The following REC114 variants were observed in gnomAD, a reference collection of about 807,000 sequenced individuals.
REC114 encodes the protein REC114 meiotic recombination protein, also known as meiotic recombination protein REC114.
Under a neutral mutation model 31.3 loss-of-function variants are expected in REC114, and 27 were observed. That is an observed-to-expected ratio of 0.86 (90% CI 0.64 to 1.19). The LOEUF (loss-of-function observed/expected upper bound fraction) is 1.19, where lower values mean the gene tolerates loss of function less well. REC114 is among the 50% of genes most tolerant of loss of function. REC114 has a pLI of 0.00. For missense variants in REC114, 344 were observed against 326.9 expected (o/e 1.05, Z -0.40); for synonymous variants, 134 against 127.7 (o/e 1.05, Z -0.33).
intron 2 of REC114, among the ~76,000 whole-genome samples, chr15:73,485,316 T>TC: frequency 6.6e-6 from 1 of 152,208 alleles, no homozygotes; most frequent in Non-Finnish European, 1.5e-5. Flanking sequence ...TCTCTTGACC[T>TC]CGTGATCTGC....
intron 2 of REC114, among the ~76,000 whole-genome samples, chr15:73,538,658 G>A (rs1045873828): frequency 6.6e-6 from 1 of 151,628 alleles, no homozygotes; most frequent in Non-Finnish European, 1.5e-5. Flanking sequence ...GGGTTTCTCT[G>A]TGTTAGCCAA....
chr15:73,552,494 C>T (rs533995606), intron 4 of REC114, among the ~76,000 whole-genome samples: 4 of 152,074 alleles, frequency 2.6e-5, no homozygotes, highest in South Asian at 2.1e-4. Context: ...TTTTAAATTC[C>T]GTGTTAGTTT....
intron 2 of REC114, among the ~76,000 whole-genome samples, chr15:73,511,789 T>C (rs1189057735): frequency 6.8e-6 from 1 of 147,240 alleles, no homozygotes; most frequent in Non-Finnish European, 1.5e-5. Flanking sequence ...TCTAGTTTGA[T>C]TGCACTGTGG....
At position 73,474,049 on chromosome 15, in the gene REC114, A is replaced by T; in HGVS notation, c.249+128A>T. 8 of 681,716 alleles carry T rather than the reference A, an allele frequency of 1.2e-5. No individual in the cohort carries two copies. In the South Asian group the frequency reaches 1.4e-4, roughly 12 times the overall value. 42.2% of individuals were successfully genotyped at this position (681,716 alleles called of 1,614,324 possible). Reference sequence around the variant, plus strand: ...ATCAAGGTCAACACATTAAGCATTTATCGAATGTGCCATAATAGTGGGAAA... The same window carrying T: ...ATCAAGGTCAACACATTAAGCATTTTTCGAATGTGCCATAATAGTGGGAAA... On this transcript the variant is annotated intron_variant, in intron 2 of 5. Transcript: ENST00000331090.
At position 73,559,805 on chromosome 15, in the gene REC114, T is replaced by G. The variant is rs748154706; in HGVS notation, c.690T>G (p.Gly230=). 6 of 1,612,444 alleles carry G rather than the reference T, an allele frequency of 3.7e-6. No individual in the cohort carries two copies. The highest frequency in any genetic ancestry group is 5.1e-6 in the Non-Finnish European group (6 of 1,179,388). Residue 230 remains glycine, a synonymous_variant, in exon 6 of 6, where the codon GGT becomes GGG. Transcript: ENST00000331090. ...ATGTCTATGAACAATCTGCATGGGG[T>G]GCAGAAGAGTTAGGCCCCTTCCTAC... ...LPHVYEQSAW[G]AEELGPFLRL...
chr15:73,471,929 TAGA>T (rs1243538356), intron 1 of REC114, among the ~76,000 whole-genome samples: 4 of 152,148 alleles, frequency 2.6e-5, no homozygotes, highest in African/African-American at 4.8e-5. Flanking sequence ...AGTATAGTGT[TAGA>T]AGTCAGGATG....
intron 1 of REC114, among the ~76,000 whole-genome samples, chr15:73,467,277 C>A (rs1008095335): frequency 6.6e-6 from 1 of 152,182 alleles, no homozygotes; most frequent in South Asian, 2.1e-4. Context: ...GAATTACTGG[C>A]ACATGGTGGT....
At chr15:73,547,899 T>C (rs549534988) in intron 3 of REC114, among the ~76,000 whole-genome samples, 2 of 152,062 alleles carry the variant, frequency 1.3e-5, no homozygotes, top group Admixed American at 6.6e-5. Context: ...CCAAAAGCAA[T>C]TGCAACAAAA....
At chr15:73,445,952 C>T (rs1892758853) in intron 1 of REC114, among the ~76,000 whole-genome samples, 1 of 152,136 alleles carries the variant, frequency 6.6e-6, no homozygotes, top group Admixed American at 6.5e-5. Context: ...CACTGAGAGA[C>T]TTGATTGATG....
chr15:73,555,876 T>C (rs968220771), intron 4 of REC114, among the ~76,000 whole-genome samples: 4 of 152,254 alleles, frequency 2.6e-5, no homozygotes, highest in Non-Finnish European at 2.9e-5. Flanking sequence ...TGAACATGTA[T>C]TACTTGAGCA....
intron 2 of REC114, among the ~76,000 whole-genome samples, chr15:73,480,136 G>C (rs1453202711): frequency 6.6e-6 from 1 of 152,100 alleles, no homozygotes; most frequent in Non-Finnish European, 1.5e-5. Flanking sequence ...ATCCTAAGAA[G>C]TATGAGGGAA....
chr15:73,514,648 G>A (rs1448019028), intron 2 of REC114, among the ~76,000 whole-genome samples: 1 of 152,038 alleles, frequency 6.6e-6, no homozygotes, highest in Non-Finnish European at 1.5e-5. Context: ...TTTACAAATC[G>A]TTGGTTCTAT....
chr15:73,458,672 A>G (rs1892949957), intron 1 of REC114, among the ~76,000 whole-genome samples: 2 of 152,196 alleles, frequency 1.3e-5, no homozygotes, highest in Admixed American at 6.5e-5. Context: ...CTGAGATAGA[A>G]TCAGTATCCT....
chr15:73,467,797 A>G (rs1893081967), intron 1 of REC114, among the ~76,000 whole-genome samples: 1 of 152,198 alleles, frequency 6.6e-6, no homozygotes, highest in Non-Finnish European at 1.5e-5. Flanking sequence ...CGCAAACATT[A>G]GCTTATAGTT....
At chr15:73,543,359 T>C (rs920135694) in intron 3 of REC114, among the ~76,000 whole-genome samples, 3 of 152,116 alleles carry the variant, frequency 2.0e-5, no homozygotes, top group African/African-American at 7.2e-5. Flanking sequence ...TGAGACGGAG[T>C]TTCACTCTTG....
chr15:73,512,736 TGA>T (rs1893790310), intron 2 of REC114, among the ~76,000 whole-genome samples: 2 of 122,874 alleles, frequency 1.6e-5, no homozygotes, highest in African/African-American at 7.9e-5. Flanking sequence ...AATTCTGGGT[TGA>T]AAATTCTTTT....
At chr15:73,526,567 T>C (rs1180250029) in intron 2 of REC114, among the ~76,000 whole-genome samples, 1 of 152,144 alleles carries the variant, frequency 6.6e-6, no homozygotes, top group Non-Finnish European at 1.5e-5. Flanking sequence ...TCCTGTGTAA[T>C]GTATGAAACT....
At chr15:73,545,640 T>C (rs900468159) in intron 3 of REC114, among the ~76,000 whole-genome samples, 4 of 152,190 alleles carry the variant, frequency 2.6e-5, no homozygotes, top group Non-Finnish European at 5.9e-5. Flanking sequence ...TGTAAACTAC[T>C]CTGTTGCTTT....
At chr15:73,522,690 G>A (rs904271515) in intron 2 of REC114, among the ~76,000 whole-genome samples, 2 of 151,996 alleles carry the variant, frequency 1.3e-5, no homozygotes, top group African/African-American at 4.8e-5. Context: ...ACATATTCAT[G>A]GACATTAGAG....
Sources: gnomAD v4.1 joint callset for allele counts (sites outside exome capture counted in the v4.1 genomes callset) on GRCh38, gnomAD v4.1.1 for gene constraint, MANE v1.5 for transcripts, NCBI Gene and HGNC (gene_info 2026-07-23, HGNC 2026-07-21) for gene names.